EHD3: variants seen among roughly 807,000 people sequenced by gnomAD.
The protein encoded by EHD3 is EH domain-containing protein 3.
In EHD3, 17 loss-of-function variants were observed where a neutral mutation model predicts 43.0. That is an observed-to-expected ratio of 0.40 (90% CI 0.27 to 0.59). The LOEUF (loss-of-function observed/expected upper bound fraction) is 0.59, where lower values mean the gene tolerates loss of function less well. Among genes scored for constraint, EHD3 ranks in the 20% least tolerant of loss-of-function variants. The probability of loss-of-function intolerance (pLI) is 0.49; values close to 1 mark genes in which losing one functional copy is unlikely to be tolerated. For missense variants in EHD3, 594 were observed against 705.6 expected, an observed-to-expected ratio of 0.84 and a Z score of 1.79; for synonymous variants, 313 against 289.5, an observed-to-expected ratio of 1.08 and a Z score of -0.82.
intron 1 of EHD3, among the ~76,000 whole-genome samples, chr2:31,243,865 G>A (rs1683471441): frequency 6.6e-6 from 1 of 152,122 alleles, no homozygotes; most frequent in South Asian, 2.1e-4. Flanking sequence ...TGAAAACCCA[G>A]CAGAGTCTAC....
chr2:31,241,298 G>C (rs1398498138), intron 1 of EHD3, among the ~76,000 whole-genome samples: 1 of 152,174 alleles, frequency 6.6e-6, no homozygotes, highest in Non-Finnish European at 1.5e-5. Context: ...TGTCCCTAAA[G>C]ATGGCTGCAT....
At chr2:31,261,517 T>C in intron 4 of EHD3, 32 bp from the exon 5 acceptor site, 1 of 1,613,048 alleles carries the variant, frequency 6.2e-7, no homozygotes, top group Non-Finnish European at 8.5e-7. Context: ...AGGGTCTTGA[T>C]GTGAAGGCTT....
chr2:31,263,157 T>A (rs1447774422), intron 5 of EHD3, among the ~76,000 whole-genome samples: 1 of 152,270 alleles, frequency 6.6e-6, no homozygotes, highest in Admixed American at 6.5e-5. Context: ...CATTCACTCA[T>A]ATAACCACCT....
At chr2:31,239,953 G>A (rs1056136090) in intron 1 of EHD3, among the ~76,000 whole-genome samples, 1 of 152,168 alleles carries the variant, frequency 6.6e-6, no homozygotes, top group African/African-American at 2.4e-5. Flanking sequence ...CTCTGGGGAC[G>A]GTGCCGGGTA....
At chr2:31,259,712 T>C (rs1019069217) in intron 3 of EHD3, among the ~76,000 whole-genome samples, 2 of 152,206 alleles carry the variant, frequency 1.3e-5, no homozygotes, top group African/African-American at 4.8e-5. Context: ...TCCAGACCAG[T>C]GACAGGCATG....
chr2:31,259,206 G>A (rs1410045100), intron 3 of EHD3, among the ~76,000 whole-genome samples: 1 of 152,178 alleles, frequency 6.6e-6, no homozygotes, highest in Non-Finnish European at 1.5e-5. Context: ...CCACGGGGGA[G>A]TGGCAGGAGG....
intron 2 of EHD3, among the ~76,000 whole-genome samples, chr2:31,247,224 G>C (rs1254266463): frequency 6.6e-6 from 1 of 152,304 alleles, no homozygotes; most frequent in East Asian, 1.9e-4. Context: ...AAGTGGAATT[G>C]AGCAGGGCAG....
In EHD3 at chr2:31,236,854, C is replaced by T. The variant is rs899035971; in HGVS notation, c.227+2006C>T. 5.3e-5 allele frequency among the ~76,000 whole-genome samples: 8 copies of T among 152,090 alleles called. No individual in the cohort carries two copies. The East Asian group carries it at 1.3e-3, about 26-fold the overall frequency. ...TCCCCAAGCAGCAGACAGGTTTGAG[C>T]GCCTTTTGTCTGAGACACTCTCCCG... On this transcript the variant is annotated intron_variant, in intron 1 of 5. Coordinates refer to ENST00000322054, the MANE Select transcript of EHD3 (RefSeq NM_014600.3).
chr2:31,265,721 G>A (rs966274065), intron 5 of EHD3, among the ~76,000 whole-genome samples: 1 of 152,110 alleles, frequency 6.6e-6, no homozygotes, highest in Non-Finnish European at 1.5e-5. Flanking sequence ...TGTAGTGAAG[G>A]CACTTGCGGT....
Position 31,242,100 on chromosome 2 carries a change from G to A in EHD3, c.228-2174G>A, listed in dbSNP as rs142884672. Among the ~76,000 whole-genome samples the A allele has an allele frequency of 4.9e-3, 753 of 152,306 alleles. 7 individuals carry two copies. The highest frequency in any genetic ancestry group is 0.017 in the African/African-American group (719 of 41,544). On this transcript the variant is annotated intron_variant, in intron 1 of 5. Transcript: ENST00000322054. ...GCTGCCGAGGCTCCTCCTTGGGGAC[G>A]GAGCCCACAGCAACCTGACTTTAAC...
chr2:31,260,457 C>T lies in EHD3; in HGVS notation c.503-53C>T. 1 of 1,535,434 alleles carries T rather than the reference C, an allele frequency of 6.5e-7. No individual in the cohort carries two copies. Among genetic ancestry groups the T allele is most frequent in the South Asian group, 1.3e-5 (1 of 79,048 alleles). ...TACCACACCCGACTGCTTCTCCAAA[C>T]CCCTACCCTATACCCCAAAGGCCCC... On this transcript the variant is annotated intron_variant, in intron 3 of 5. Coordinates refer to ENST00000322054, the MANE Select transcript of EHD3 (RefSeq NM_014600.3). The surrounding 1 kb of genome is among the most constrained non-coding windows in gnomAD (Gnocchi z 4.6).
At position 31,234,789 on chromosome 2, in the gene EHD3, C is replaced by T; in HGVS notation, c.168C>T (p.Asp56=). The T allele has an allele frequency of 6.2e-7, 1 of 1,614,230 alleles. No homozygotes were observed. The highest frequency in any genetic ancestry group is 2.2e-5 in the East Asian group (1 of 44,864). ...HSPALEDADF[D]NKPMVLLVGQ... is the part of the protein sequence containing the mutation. ...CCGCCCTGGAGGATGCCGACTTCGA[C>T]AACAAGCCCATGGTTCTGCTGGTGG... The change falls in exon 1 of 6, where the codon GAC becomes GAT. Residue 56 remains aspartate, a synonymous_variant. Transcript: ENST00000322054.
chr2:31,245,553 A>ATATATATATTTTTTTTTT (rs1446415610), intron 2 of EHD3, among the ~76,000 whole-genome samples: 2 of 35,052 alleles, frequency 5.7e-5, no homozygotes, highest in African/African-American at 1.8e-4. Context: ...ATATATATAT[A>ATATATATATTTTTTTTTT]TTTTTTTTTT....
intron 1 of EHD3, among the ~76,000 whole-genome samples, chr2:31,236,407 A>G (rs936914537): frequency 6.6e-6 from 1 of 152,174 alleles, no homozygotes; most frequent in African/African-American, 2.4e-5. Flanking sequence ...TACATCCCAA[A>G]TTTGCATATA....
intron 1 of EHD3, among the ~76,000 whole-genome samples, chr2:31,238,179 G>A (rs1683356439): frequency 6.6e-6 from 1 of 152,132 alleles, no homozygotes; most frequent in African/African-American, 2.4e-5. Context: ...TGCGAGTAAG[G>A]CTGCTCTGGG....
chr2:31,261,498 G>T (rs371457808), intron 4 of EHD3, 51 bp from the exon 5 acceptor site: 958 of 1,599,134 alleles, frequency 6.0e-4, no homozygotes, highest in Non-Finnish European at 7.5e-4. Context: ...TAGAAGGAAG[G>T]GACCGTCCAG....
intron 1 of EHD3, among the ~76,000 whole-genome samples, chr2:31,243,460 C>CTTTCTTTCTTTCTT (rs1553402472): frequency 3.9e-4 from 38 of 98,478 alleles, no homozygotes; most frequent in African/African-American, 1.7e-3. Flanking sequence ...TTCTTTCTTT[C>CTTTCTTTCTTTCTT]TTTTTTTTTT....
chr2:31,261,140 C>T (rs1683847130), intron 4 of EHD3, among the ~76,000 whole-genome samples: 1 of 152,218 alleles, frequency 6.6e-6, no homozygotes, highest in Admixed American at 6.5e-5. Flanking sequence ...CCAGCCTTGG[C>T]AAGGCCTTTA....
chr2:31,234,445 G>C lies in EHD3; in HGVS notation c.-177G>C. 1 of 648,668 alleles carries C rather than the reference G, an allele frequency of 1.5e-6. No homozygotes were observed. The highest frequency in any genetic ancestry group is 2.6e-6 in the Non-Finnish European group (1 of 382,178). 40.2% of individuals were successfully genotyped at this position (648,668 alleles called of 1,614,324 possible). A position where few individuals can be genotyped will look rare whatever the true frequency, so the allele number is the denominator to read the frequency against. ...GCGGCTGGGCTTGGTCCCAGGAGCA[G>C]GGAGAGTGCGCTCCCGGCCCTCCTA... On this transcript the variant is annotated 5_prime_UTR_variant, in exon 1 of 6. Coordinates refer to ENST00000322054, the MANE Select transcript of EHD3 (RefSeq NM_014600.3).
Sources: allele counts gnomAD v4.1 joint callset (sites outside exome capture counted in the v4.1 genomes callset), GRCh38; gene constraint gnomAD v4.1.1; non-coding constraint Gnocchi (gnomAD v3.1); transcripts MANE v1.5; gene names NCBI Gene and HGNC (gene_info 2026-07-23, HGNC 2026-07-21).